LDLRAD3: variants seen among roughly 807,000 people sequenced by gnomAD.
LDLRAD3 encodes low-density lipoprotein receptor class A domain-containing protein 3.
A neutral mutation model predicts 29.4 loss-of-function variants in LDLRAD3; 20 were observed. That is an observed-to-expected ratio of 0.68 (90% CI 0.48 to 0.99). The LOEUF is 0.99. Ranked by LOEUF, LDLRAD3 falls within the 50% of genes least tolerant of loss-of-function variation. The pLI is 0.00. For synonymous variants in LDLRAD3, 157 were observed against 192.7 expected (o/e 0.81, Z 1.53); for missense variants, 420 against 454.3 (o/e 0.92, Z 0.69).
chr11:36,067,623 GACACA>G (rs142593410), intron 2 of LDLRAD3, among the ~76,000 whole-genome samples: 2,895 of 152,250 alleles, frequency 0.019, 83 homozygotes, highest in African/African-American at 0.066. Flanking sequence ...ATAAGTGGTA[GACACA>G]ACATTTAAAC....
At chr11:36,021,058 A>T (rs1449328601) in intron 1 of LDLRAD3, among the ~76,000 whole-genome samples, 1 of 152,206 alleles carries the variant, frequency 6.6e-6, no homozygotes, top group Non-Finnish European at 1.5e-5. Context: ...GAGATGGCGC[A>T]TGATGCAGGA....
chr11:36,148,167 G>C (rs2133324630), intron 4 of LDLRAD3, among the ~76,000 whole-genome samples: 1 of 152,238 alleles, frequency 6.6e-6, no homozygotes, highest in East Asian at 1.9e-4. Flanking sequence ...ACCACACCTG[G>C]CCAGATTGTT....
At chr11:36,214,329 G>A (rs564142167) in intron 4 of LDLRAD3, among the ~76,000 whole-genome samples, 28 of 152,330 alleles carry the variant, frequency 1.8e-4, no homozygotes, top group South Asian at 1.7e-3. Flanking sequence ...GGCCTGGAGT[G>A]ACTATGTCAA....
At chr11:36,212,574 C>A (rs1178072122) in intron 4 of LDLRAD3, among the ~76,000 whole-genome samples, 5 of 151,230 alleles carry the variant, frequency 3.3e-5, no homozygotes, top group Non-Finnish European at 7.4e-5. Flanking sequence ...AAGCCCTTTT[C>A]TATCTTAAAC....
At chr11:36,078,989 TG>T (rs1853064842) in intron 2 of LDLRAD3, among the ~76,000 whole-genome samples, 1 of 152,128 alleles carries the variant, frequency 6.6e-6, no homozygotes. Flanking sequence ...GTTAAGACTG[TG>T]GCAGAGGCTT....
Position 36,190,894 on chromosome 11 carries a change from C to T in LDLRAD3, c.455-36191C>T, listed in dbSNP as rs78240305. On this transcript the variant is annotated intron_variant, in intron 4 of 5. Transcript: ENST00000315571. ...AAAGGTTCAAGAATCAAAATGGTGT[C>T]AGTCTTCTCAATAACATTGGACATG... Among the ~76,000 whole-genome samples the T allele has an allele frequency of 2.3e-3, 349 of 152,298 alleles. 3 individuals are homozygous for T. Among genetic ancestry groups the T allele is most frequent in the African/African-American group, 8.2e-3 (342 of 41,568 alleles).
At chr11:36,034,512 C>T (rs1590217790) in intron 1 of LDLRAD3, among the ~76,000 whole-genome samples, 1 of 152,206 alleles carries the variant, frequency 6.6e-6, no homozygotes, top group East Asian at 1.9e-4. Flanking sequence ...CTGGAGTTCT[C>T]CAGTGAGCGA....
chr11:36,161,765 G>C (rs758102830), intron 4 of LDLRAD3, among the ~76,000 whole-genome samples: 9 of 152,190 alleles, frequency 5.9e-5, no homozygotes, highest in Non-Finnish European at 1.2e-4. Flanking sequence ...ACATCTCCCA[G>C]CTTACAAGAT....
At chr11:36,073,123 G>T (rs567814037) in intron 2 of LDLRAD3, among the ~76,000 whole-genome samples, 1 of 152,250 alleles carries the variant, frequency 6.6e-6, no homozygotes, top group East Asian at 1.9e-4. Flanking sequence ...ATAAAAAGTT[G>T]GCAATTGTAT....
chr11:36,196,894 CT>C, intron 4 of LDLRAD3: 1 of 152,296 alleles, frequency 6.6e-6, no homozygotes, highest in South Asian at 2.1e-4. Context: ...CCTATCCATT[CT>C]CTAGGACCTG....
intron 4 of LDLRAD3, among the ~76,000 whole-genome samples, chr11:36,127,019 T>C (rs1430528894): frequency 6.6e-6 from 1 of 152,222 alleles, no homozygotes; most frequent in Non-Finnish European, 1.5e-5. Context: ...GAGAATTTAA[T>C]GTCTGGTTTT....
chr11:36,063,459 C>T (rs1852737551), intron 2 of LDLRAD3, among the ~76,000 whole-genome samples: 2 of 152,226 alleles, frequency 1.3e-5, no homozygotes, highest in African/African-American at 4.8e-5. Flanking sequence ...CTTTTTGTCT[C>T]TACAGATTTG....
intron 4 of LDLRAD3, among the ~76,000 whole-genome samples, chr11:36,219,304 A>T (rs1434420978): frequency 2.0e-5 from 3 of 151,618 alleles, no homozygotes; most frequent in Non-Finnish European, 2.9e-5. Flanking sequence ...TTTCTATATT[A>T]TTTTTTTTTA....
chr11:36,147,024 G>A (rs563492066), intron 4 of LDLRAD3, among the ~76,000 whole-genome samples: 3 of 149,532 alleles, frequency 2.0e-5, no homozygotes, highest in East Asian at 2.0e-4. Flanking sequence ...TCCTAACCTC[G>A]AGTGACCCAC....
Position 36,036,739 on chromosome 11 carries a change from G to C in LDLRAD3, c.193+490G>C, listed in dbSNP as rs146220612. ...AAGTATTCAGCATGGAGTTGGGACT[G>C]AATACATAGTAACGTGCTTTCCCAT... On this transcript the variant is annotated intron_variant, in intron 2 of 5. Coordinates refer to ENST00000315571, the MANE Select transcript of LDLRAD3 (RefSeq NM_174902.4). 2.9e-3 allele frequency among the ~76,000 whole-genome samples: 435 copies of C among 152,282 alleles called. 2 individuals carry two copies. The highest frequency in any genetic ancestry group is 0.01 in the African/African-American group (422 of 41,560).
chr11:36,196,339 A>G (rs533881082), intron 4 of LDLRAD3: 1 of 152,360 alleles, frequency 6.6e-6, no homozygotes, highest in South Asian at 2.1e-4. Context: ...CAGCCCGTGA[A>G]GTCACGCTTT....
At chr11:36,171,375 C>T (rs1346854987) in intron 4 of LDLRAD3, among the ~76,000 whole-genome samples, 1 of 152,062 alleles carries the variant, frequency 6.6e-6, no homozygotes, top group Non-Finnish European at 1.5e-5. Flanking sequence ...TGCCTAAGCC[C>T]ATGTCTGGAA....
intron 1 of LDLRAD3, among the ~76,000 whole-genome samples, chr11:35,966,184 T>C (rs552272290): frequency 5.3e-5 from 8 of 152,268 alleles, no homozygotes; most frequent in African/African-American, 1.9e-4. Flanking sequence ...TCCCAGCACT[T>C]TGGGAGGCCG....
chr11:36,054,422 G>C (rs192232230), intron 2 of LDLRAD3, among the ~76,000 whole-genome samples: 15 of 152,298 alleles, frequency 9.8e-5, no homozygotes, highest in Admixed American at 9.1e-4. Context: ...AGAGTAGACC[G>C]GTATGCCATG....
Sources: gnomAD v4.1 joint callset for allele counts (sites outside exome capture counted in the v4.1 genomes callset) on GRCh38, gnomAD v4.1.1 for gene constraint, MANE v1.5 for transcripts, NCBI Gene and HGNC (gene_info 2026-07-23, HGNC 2026-07-21) for gene names.